Variants in ST6GAL1 observed in about 807,000 individuals in gnomAD.
The protein encoded by ST6GAL1 is beta-galactoside alpha-2,6-sialyltransferase 1.
A neutral mutation model predicts 38.0 loss-of-function variants in ST6GAL1; 20 were observed. The observed-to-expected ratio is 0.53, with a 90% CI of 0.37 to 0.77. The LOEUF is 0.77. Among genes scored for constraint, ST6GAL1 ranks in the 30% least tolerant of loss-of-function variants. ST6GAL1 has a pLI of 0.00. For missense variants in ST6GAL1, 432 were observed against 496.4 expected (o/e 0.87, Z 1.23); for synonymous variants, 196 against 188.2 (o/e 1.04, Z -0.34).
chr3:186,963,783 A>G lies in ST6GAL1; in HGVS notation c.-324-2A>G, dbSNP rs771437030. ...TTGTTGTTGTTTTTTAACCCTCTGC[A>G]GGCAAGGGGAGAGCCAGTTGCGCAG... is the stretch of plus-strand genomic sequence containing the variant. On this transcript the variant is annotated splice_acceptor_variant, in intron 1 of 7. Coordinates refer to ENST00000169298, the MANE Select transcript of ST6GAL1 (RefSeq NM_173216.2). LOFTEE classifies it low-confidence loss of function (5UTR_SPLICE). 3 of 152,280 alleles carry G rather than the reference A, an allele frequency of 2.0e-5. No homozygotes were observed. The highest frequency in any genetic ancestry group is 2.9e-5 in the Non-Finnish European group (2 of 68,094). 9.4% of individuals were successfully genotyped at this position (152,280 alleles called of 1,614,324 possible). A position where few individuals can be genotyped will look rare whatever the true frequency, so the allele number is the denominator to read the frequency against.
At chr3:186,962,814 G>A (rs1220636007) in intron 1 of ST6GAL1, among the ~76,000 whole-genome samples, 1 of 152,174 alleles carries the variant, frequency 6.6e-6, no homozygotes, top group Non-Finnish European at 1.5e-5. Context: ...ACAATTTATG[G>A]TACAGCTCTG....
chr3:187,058,635 A>T (rs1579370265), intron 5 of ST6GAL1, among the ~76,000 whole-genome samples: 1 of 14,836 alleles, frequency 6.7e-5, no homozygotes, highest in Non-Finnish European at 1.1e-4. Context: ...TATTACTTTT[A>T]TTATTATTAT....
chr3:187,040,910 G>A (rs533016342), intron 3 of ST6GAL1, among the ~76,000 whole-genome samples: 1 of 152,312 alleles, frequency 6.6e-6, no homozygotes, highest in East Asian at 1.9e-4. Context: ...CACTGCTTTG[G>A]TTGGTACTGC....
intron 1 of ST6GAL1, among the ~76,000 whole-genome samples, chr3:186,944,739 C>T (rs985773098): frequency 1.7e-4 from 26 of 152,288 alleles, no homozygotes; most frequent in Middle Eastern, 3.4e-3. Flanking sequence ...GCACTTAAAT[C>T]AGAGATCTAA....
At chr3:186,984,107 TGGGCTC>T (rs1238341040) in intron 2 of ST6GAL1, among the ~76,000 whole-genome samples, 3 of 152,160 alleles carry the variant, frequency 2.0e-5, no homozygotes, top group Non-Finnish European at 2.9e-5. Context: ...TCTAGTTGCT[TGGGCTC>T]CAACCCTTGG....
intron 6 of ST6GAL1, 137 bp from the exon 7 acceptor site, chr3:187,074,022 C>A: frequency 1.4e-6 from 1 of 730,906 alleles, no homozygotes; most frequent in Non-Finnish European, 2.1e-6. Context: ...TAGTCTGCTG[C>A]AAGAAAAGGG....
In ST6GAL1 at chr3:186,962,679, CTG is replaced by C. The variant is rs1317545585; in HGVS notation, c.-324-1102_-324-1101del. Among the ~76,000 whole-genome samples, 6 of 152,320 alleles carry C rather than the reference CTG, an allele frequency of 3.9e-5. 1 individual carries two copies. The East Asian group carries it at 7.7e-4, about 20-fold the overall frequency. The stretch of plus-strand genomic sequence containing the variant: ...ACCCAGCACAGTTTTATTCCTAAGA[CTG>C]TGTCCAAAGAAAATAATCATGGGAC... On this transcript the variant is annotated intron_variant, in intron 1 of 7. Transcript: ENST00000169298.
chr3:186,958,450 T>A (rs995662558), intron 1 of ST6GAL1, among the ~76,000 whole-genome samples: 1 of 151,934 alleles, frequency 6.6e-6, no homozygotes, highest in African/African-American at 2.4e-5. Context: ...AATAGGAAGT[T>A]AGTGAATAAT....
intron 1 of ST6GAL1, among the ~76,000 whole-genome samples, chr3:186,960,360 T>A (rs183125928): frequency 7.4e-4 from 113 of 152,140 alleles, no homozygotes; most frequent in African/African-American, 2.5e-3. Context: ...CCCCAAGAGA[T>A]AAAACAGAGA....
intron 2 of ST6GAL1, among the ~76,000 whole-genome samples, chr3:186,984,782 TCCTC>T (rs55869193): frequency 1.0e-3 from 31 of 29,638 alleles, no homozygotes; most frequent in African/African-American, 1.5e-3. Context: ...TTCCTTCCCT[TCCTC>T]CCTTCCTTCC....
chr3:186,973,182 C>T (rs1456702499), intron 2 of ST6GAL1, among the ~76,000 whole-genome samples: 2 of 152,150 alleles, frequency 1.3e-5, no homozygotes, highest in African/African-American at 4.8e-5. Flanking sequence ...ATTGCAGGCG[C>T]CCGCCATCAT....
At chr3:186,985,984 C>T (rs1029919190) in intron 2 of ST6GAL1, among the ~76,000 whole-genome samples, 3 of 151,994 alleles carry the variant, frequency 2.0e-5, no homozygotes, top group Non-Finnish European at 2.9e-5. Flanking sequence ...GACCCAGAGA[C>T]GCCTGTTTGA....
chr3:187,014,733 G>T (rs972177687), intron 2 of ST6GAL1, among the ~76,000 whole-genome samples: 1 of 152,220 alleles, frequency 6.6e-6, no homozygotes, highest in African/African-American at 2.4e-5. Flanking sequence ...TCTATAAAAT[G>T]TTAACACAGT....
In ST6GAL1 at chr3:186,947,796, G is replaced by A. The variant is rs74604705; in HGVS notation, c.-324-15989G>A. 4.1e-3 allele frequency among the ~76,000 whole-genome samples: 621 copies of A among 152,284 alleles called. 1 individual carries two copies. Among genetic ancestry groups the A allele is most frequent in the African/African-American group, 0.014 (589 of 41,548 alleles). On this transcript the variant is annotated intron_variant, in intron 1 of 7. Transcript: ENST00000169298. ...GTTTTTATGTTCAAATTAGATCATA[G>A]ACGTTAAGGATGAGACAGTTTGAAA...
At chr3:187,072,725 G>T (rs1719429039) in intron 5 of ST6GAL1, 124 bp from the exon 6 acceptor site, 1 of 829,120 alleles carries the variant, frequency 1.2e-6, no homozygotes, top group African/African-American at 1.7e-5. Flanking sequence ...TGCTGCACCA[G>T]AACTTAGAAG....
chr3:186,933,235 C>T (rs956180926), intron 1 of ST6GAL1, among the ~76,000 whole-genome samples: 2 of 152,174 alleles, frequency 1.3e-5, no homozygotes, highest in African/African-American at 2.4e-5. Flanking sequence ...ACTCACAAAC[C>T]GGTCAGCATG....
At chr3:187,022,284 T>G (rs1717344884) in intron 2 of ST6GAL1, among the ~76,000 whole-genome samples, 1 of 152,206 alleles carries the variant, frequency 6.6e-6, no homozygotes, top group East Asian at 1.9e-4. Flanking sequence ...ACATAAGTCA[T>G]CTTCTGTGTT....
At chr3:187,023,824 T>C (rs1324049129) in intron 2 of ST6GAL1, among the ~76,000 whole-genome samples, 3 of 151,478 alleles carry the variant, frequency 2.0e-5, no homozygotes, top group Non-Finnish European at 4.4e-5. Flanking sequence ...ACATGGCACA[T>C]GTATACATAT....
chr3:186,983,376 AAAT>A (rs1220221576), intron 2 of ST6GAL1, among the ~76,000 whole-genome samples: 1 of 152,218 alleles, frequency 6.6e-6, no homozygotes, highest in Admixed American at 6.5e-5. Context: ...CTCAGATGGG[AAAT>A]AATGAGAAAA....
Sources: gnomAD v4.1 joint callset for allele counts (sites outside exome capture counted in the v4.1 genomes callset) on GRCh38, gnomAD v4.1.1 for gene constraint, MANE v1.5 for transcripts, NCBI Gene and HGNC (gene_info 2026-07-23, HGNC 2026-07-21) for gene names.